Variants in CDH18 observed in about 807,000 individuals in gnomAD.
CDH18 encodes the protein cadherin-18.
CDH18 carries 31 observed loss-of-function variants against 67.9 expected under a neutral mutation model. The observed-to-expected ratio is 0.46, with a 90% CI of 0.34 to 0.62. The LOEUF (loss-of-function observed/expected upper bound fraction) is 0.62, where lower values mean the gene tolerates loss of function less well. Ranked by LOEUF, CDH18 falls within the 20% of genes least tolerant of loss-of-function variation. CDH18 has a pLI of 0.01. For missense variants in CDH18, 890 were observed against 975.5 expected (o/e 0.91, Z 1.17); for synonymous variants, 362 against 347.2 (o/e 1.04, Z -0.48).
intron 2 of CDH18, among the ~76,000 whole-genome samples, chr5:20,097,966 T>C (rs1162105049): frequency 1.3e-5 from 2 of 152,054 alleles, no homozygotes; most frequent in African/African-American, 4.8e-5. Context: ...TGGTTTTATA[T>C]CTTTCGATTA....
intron 1 of CDH18, among the ~76,000 whole-genome samples, chr5:20,460,748 G>A (rs1306821364): frequency 6.6e-6 from 1 of 152,138 alleles, no homozygotes; most frequent in Non-Finnish European, 1.5e-5. Flanking sequence ...ATAATCTGCT[G>A]TAAATATGGC....
chr5:20,383,290 T>C (rs1744063916), intron 1 of CDH18, among the ~76,000 whole-genome samples: 1 of 152,168 alleles, frequency 6.6e-6, no homozygotes. Context: ...CAAACCAAAA[T>C]TCTATCCAAA....
rs911102604 is a variant in CDH18, at chr5:19,697,922, T to C, written c.643+23425A>G. ...GGGCTTTGTCTAGGAAGGCAGTTTA[T>C]AGTCTTGCCTGCTCCGGGTCTCTTA... On this transcript the variant is annotated intron_variant, in intron 5 of 12. Transcript: ENST00000382275. 2.6e-5 allele frequency among the ~76,000 whole-genome samples: 4 copies of C among 152,194 alleles called. No individual in the cohort carries two copies. The South Asian group carries it at 6.2e-4, about 24-fold the overall frequency.
chr5:19,753,431 GA>G (rs1325976785), intron 3 of CDH18, among the ~76,000 whole-genome samples: 1 of 152,078 alleles, frequency 6.6e-6, no homozygotes, highest in East Asian at 1.9e-4. Context: ...GTAGAAGAAA[GA>G]AATTCAGACA....
intron 1 of CDH18, among the ~76,000 whole-genome samples, chr5:20,486,559 G>A (rs1753191049): frequency 6.6e-6 from 1 of 151,702 alleles, no homozygotes; most frequent in South Asian, 2.1e-4. Flanking sequence ...CCCAGACCTG[G>A]GAGCTGAACT....
At chr5:19,932,822 C>A (rs1341625127) in intron 2 of CDH18, among the ~76,000 whole-genome samples, 2 of 151,508 alleles carry the variant, frequency 1.3e-5, no homozygotes, top group Non-Finnish European at 1.5e-5. Context: ...CTTTACATAC[C>A]TAGATATACC....
At chr5:20,248,274 G>A (rs540921799) in intron 2 of CDH18, among the ~76,000 whole-genome samples, 40 of 151,974 alleles carry the variant, frequency 2.6e-4, no homozygotes, top group African/African-American at 9.6e-4. Context: ...AAAAAGAGAT[G>A]CTTGACTTTA....
In CDH18 at chr5:19,882,943, T is replaced by C. The variant is rs886939936; in HGVS notation, c.-256-43701A>G. On this transcript the variant is annotated intron_variant, in intron 2 of 12. Coordinates refer to ENST00000382275, the MANE Select transcript of CDH18 (RefSeq NM_004934.5). ...CTTTATAAAATTACTATTATATTTA[T>C]ATGACCAGATGACTTTCAAATTAAT... is the stretch of plus-strand genomic sequence containing the variant. Among the ~76,000 whole-genome samples the C allele has an allele frequency of 6.6e-5, 10 of 152,204 alleles. No homozygotes were observed. In the East Asian group the frequency reaches 1.9e-3, roughly 29 times the overall value.
intron 2 of CDH18, among the ~76,000 whole-genome samples, chr5:20,125,962 A>T (rs1733454565): frequency 6.6e-6 from 1 of 152,210 alleles, no homozygotes; most frequent in African/African-American, 2.4e-5. Flanking sequence ...AGAAAAAGAA[A>T]TTCTAAAACG....
chr5:19,974,907 G>A (rs1016037363), intron 2 of CDH18, among the ~76,000 whole-genome samples: 6 of 152,016 alleles, frequency 3.9e-5, no homozygotes, highest in Admixed American at 1.3e-4. Flanking sequence ...ATTCTGACCC[G>A]GCTACTTTTA....
In CDH18 at chr5:19,828,896, G is replaced by C. The variant is rs150467045; in HGVS notation, c.228+9863C>G. Reference sequence around the variant, plus strand: ...CTACTAAAAATACAAAAATTAGCTGGGCGTGGTGGCATGTGCCTGTAATCC... The same window carrying C: ...CTACTAAAAATACAAAAATTAGCTGCGCGTGGTGGCATGTGCCTGTAATCC... On this transcript the variant is annotated intron_variant, in intron 3 of 12. Coordinates refer to ENST00000382275, the MANE Select transcript of CDH18 (RefSeq NM_004934.5). Among the ~76,000 whole-genome samples, 833 of 152,172 alleles carry C rather than the reference G, an allele frequency of 5.5e-3. 5 individuals are homozygous for C. The highest frequency in any genetic ancestry group is 0.019 in the African/African-American group (808 of 41,510).
chr5:20,462,586 T>C (rs1204275733), intron 1 of CDH18, among the ~76,000 whole-genome samples: 2 of 152,216 alleles, frequency 1.3e-5, no homozygotes, highest in Non-Finnish European at 2.9e-5. Flanking sequence ...TCTATGCATG[T>C]ATCAAACTAT....
At chr5:20,408,661 T>C (rs931660388) in intron 1 of CDH18, among the ~76,000 whole-genome samples, 1 of 151,658 alleles carries the variant, frequency 6.6e-6, no homozygotes. Flanking sequence ...CAAGACAGTA[T>C]AAGAGGGGAA....
intron 5 of CDH18, among the ~76,000 whole-genome samples, chr5:19,665,099 T>C (rs1202556242): frequency 6.6e-6 from 1 of 152,036 alleles, no homozygotes. Flanking sequence ...GAGGAATATC[T>C]GTTGAAAATG....
chr5:19,552,588 T>C (rs1336342144), intron 8 of CDH18, among the ~76,000 whole-genome samples: 1 of 152,198 alleles, frequency 6.6e-6, no homozygotes, highest in Non-Finnish European at 1.5e-5. Flanking sequence ...CACTATATTA[T>C]GTGTGAAATA....
At position 19,934,641 on chromosome 5, in the gene CDH18, G is replaced by A. The variant is rs146388000; in HGVS notation, c.-257+46419C>T. Among the ~76,000 whole-genome samples the A allele has an allele frequency of 8.8e-4, 134 of 151,472 alleles. No homozygotes were observed. The East Asian group carries it at 0.025, about 28-fold the overall frequency. On this transcript the variant is annotated intron_variant, in intron 2 of 12. Transcript: ENST00000382275. Reference sequence around the variant, plus strand: ...ACATGCACTGAGAATATGCACTAGGGGCTCTTTGATTAAATTTGGCTTTGA... The same window carrying A: ...ACATGCACTGAGAATATGCACTAGGAGCTCTTTGATTAAATTTGGCTTTGA...
chr5:20,440,750 T>C (rs1017120040), intron 1 of CDH18, among the ~76,000 whole-genome samples: 2 of 151,962 alleles, frequency 1.3e-5, no homozygotes, highest in Non-Finnish European at 2.9e-5. Context: ...ATTTCTTTAC[T>C]GATCTCATGG....
intron 2 of CDH18, among the ~76,000 whole-genome samples, chr5:20,132,853 T>C (rs902900789): frequency 6.6e-6 from 1 of 152,180 alleles, no homozygotes; most frequent in African/African-American, 2.4e-5. Context: ...TTAAGTTTTA[T>C]ATAAATTAGG....
At chr5:20,414,332 T>A (rs1747088087) in intron 1 of CDH18, among the ~76,000 whole-genome samples, 1 of 152,198 alleles carries the variant, frequency 6.6e-6, no homozygotes, top group African/African-American at 2.4e-5. Context: ...TGAATGCAGT[T>A]GGGGGTCCTT....
Sources: allele counts gnomAD v4.1 joint callset (sites outside exome capture counted in the v4.1 genomes callset), GRCh38; gene constraint gnomAD v4.1.1; transcripts MANE v1.5; gene names NCBI Gene and HGNC (gene_info 2026-07-23, HGNC 2026-07-21).